GAN: variants seen among roughly 807,000 people sequenced by gnomAD.
The protein encoded by GAN is epididymis secretory sperm binding protein.
GAN carries 48 observed loss-of-function variants against 71.3 expected under a neutral mutation model. The ratio of observed to expected loss-of-function variants is 0.67; its 90% CI spans 0.53 to 0.86. The LOEUF (loss-of-function observed/expected upper bound fraction) is 0.86, where lower values mean the gene tolerates loss of function less well. GAN is among the 40% of genes least tolerant of loss of function. GAN has a pLI of 0.00. For synonymous variants in GAN, 386 were observed against 276.8 expected (o/e 1.39, Z -3.92); for missense variants, 928 against 770.1 (o/e 1.21, Z -2.43).
chr16:81,346,281 A>C (rs568722667), intron 1 of GAN, among the ~76,000 whole-genome samples: 27 of 152,344 alleles, frequency 1.8e-4, no homozygotes, highest in Admixed American at 1.4e-3. Flanking sequence ...AGATATATGG[A>C]GCATCTGCTA....
At chr16:81,347,342 CATT>C (rs1910151787) in intron 1 of GAN, among the ~76,000 whole-genome samples, 1 of 152,156 alleles carries the variant, frequency 6.6e-6, no homozygotes, top group Non-Finnish European at 1.5e-5. Context: ...CTGTCATACA[CATT>C]ATATATTTGA....
At chr16:81,326,702 T>C (rs2150669728) in intron 1 of GAN, among the ~76,000 whole-genome samples, 1 of 152,312 alleles carries the variant, frequency 6.6e-6, no homozygotes, top group South Asian at 2.1e-4. Flanking sequence ...GACTATCTGA[T>C]GTAGTCTGTT....
At chr16:81,336,055 C>G (rs773919268) in intron 1 of GAN, among the ~76,000 whole-genome samples, 2 of 152,166 alleles carry the variant, frequency 1.3e-5, no homozygotes, top group Non-Finnish European at 2.9e-5. Context: ...TTGTTGCTGT[C>G]TCCTACCCTC....
chr16:81,320,664 G>T (rs1196849377), intron 1 of GAN, among the ~76,000 whole-genome samples: 1 of 152,170 alleles, frequency 6.6e-6, no homozygotes, highest in Non-Finnish European at 1.5e-5. Context: ...TAGTGCTCAG[G>T]GGTTCAGTTA....
intron 1 of GAN, among the ~76,000 whole-genome samples, chr16:81,338,409 T>G (rs900863426): frequency 1.3e-5 from 2 of 152,210 alleles, no homozygotes; most frequent in African/African-American, 4.8e-5. Flanking sequence ...TGATCAGTTA[T>G]TAACCCTTTA....
chr16:81,381,356 A>T lies in GAN; in HGVS notation c.*3760A>T, dbSNP rs561186427. 7.9e-5 allele frequency: 12 copies of T among 152,318 alleles called. No homozygotes were observed. The South Asian group carries it at 2.3e-3, about 29-fold the overall frequency. The allele number at this position is 152,318 out of a possible 1,614,324, so 9.4% of individuals were successfully genotyped here. A position where few individuals can be genotyped will look rare whatever the true frequency, so the allele number is the denominator to read the frequency against. ...GATTCAAGAGGCCTCCCGTGGTCAG[A>T]TGAAGACCTTTGGTTAAATGGGGGA... On this transcript the variant is annotated 3_prime_UTR_variant, in exon 11 of 11. Coordinates refer to ENST00000648994, the MANE Select transcript of GAN (RefSeq NM_022041.4).
intron 1 of GAN, among the ~76,000 whole-genome samples, chr16:81,350,611 G>A (rs1017166878): frequency 6.6e-6 from 1 of 151,766 alleles, no homozygotes. Flanking sequence ...CATCTCCCAG[G>A]TTCGAGCTAT....
At chr16:81,365,562 C>A in intron 9 of GAN, 84 bp downstream of exon 9, 1 of 1,339,364 alleles carries the variant, frequency 7.5e-7, no homozygotes, top group Non-Finnish European at 1.1e-6. Flanking sequence ...GTTTTGTTTT[C>A]AGTCACTTTA....
At chr16:81,376,782 G>C (rs556561334) in intron 9 of GAN, among the ~76,000 whole-genome samples, 1 of 152,262 alleles carries the variant, frequency 6.6e-6, no homozygotes, top group East Asian at 1.9e-4. Flanking sequence ...GAAGGCTGGG[G>C]TGGGAGGATC....
intron 1 of GAN, among the ~76,000 whole-genome samples, chr16:81,337,058 T>C (rs1308557729): frequency 6.6e-6 from 1 of 152,052 alleles, no homozygotes; most frequent in Non-Finnish European, 1.5e-5. Context: ...CCCAGAGTAG[T>C]TTCACTGCCC....
chr16:81,349,178 T>C (rs1208702415), intron 1 of GAN, among the ~76,000 whole-genome samples: 2 of 152,134 alleles, frequency 1.3e-5, no homozygotes, highest in African/African-American at 4.8e-5. Context: ...TTAGCTTATC[T>C]TTCACCCCCT....
Position 81,363,786 on chromosome 16 carries a change from A to G in GAN, c.1087-8A>G, listed in dbSNP as rs1408462731. 6.2e-7 allele frequency: 1 copy of G among 1,612,836 alleles called. No homozygotes were observed. Among genetic ancestry groups the G allele is most frequent in the South Asian group, 1.1e-5 (1 of 91,040 alleles). On this transcript the variant is annotated splice_region_variant and splice_polypyrimidine_tract_variant and intron_variant, in intron 6 of 10. Coordinates refer to ENST00000648994, the MANE Select transcript of GAN (RefSeq NM_022041.4). ...TTGTGTGTTCAGGGATCGCTAATGT[A>G]ATTTCAGGCAAGACATAACTTCGGA... is the stretch of plus-strand genomic sequence containing the variant.
intron 7 of GAN, among the ~76,000 whole-genome samples, 191 bp downstream of exon 7, chr16:81,364,134 T>A (rs951324038): frequency 6.6e-6 from 1 of 152,138 alleles, no homozygotes; most frequent in African/African-American, 2.4e-5. Context: ...TGAGCGTGTG[T>A]GAGAGTTTAT....
At chr16:81,353,871 T>C (rs8051314) in intron 2 of GAN, among the ~76,000 whole-genome samples, 62,452 of 152,006 alleles carry the variant, frequency 0.41, 13,479 homozygotes, top group Middle Eastern at 0.52. Context: ...GTGTACCAAA[T>C]TGCACTGCGT....
Position 81,363,700 on chromosome 16 carries a change from T to C in GAN, c.1087-94T>C, listed in dbSNP as rs1413493147. The C allele has an allele frequency of 3.8e-6, 5 of 1,327,884 alleles. No homozygotes were observed. In the African/African-American group the frequency reaches 7.2e-5, roughly 19 times the overall value. The allele number at this position is 1,327,884 out of a possible 1,614,324, so 82.3% of individuals were successfully genotyped here. A position where few individuals can be genotyped will look rare whatever the true frequency, so the allele number is the denominator to read the frequency against. On this transcript the variant is annotated intron_variant, in intron 6 of 10. Coordinates refer to ENST00000648994, the MANE Select transcript of GAN (RefSeq NM_022041.4). ...GTCCCCATTGTCTATTTTTGCCATC[T>C]TTATGTTTCTCTAATTTTTATTAAG...
chr16:81,373,145 T>C (rs1319065686), intron 9 of GAN, among the ~76,000 whole-genome samples: 1 of 152,188 alleles, frequency 6.6e-6, no homozygotes, highest in Non-Finnish European at 1.5e-5. Flanking sequence ...ATAAAAATGG[T>C]GTTCTTCAGG....
chr16:81,363,059 G>A (rs577672860), intron 6 of GAN, among the ~76,000 whole-genome samples: 3 of 152,290 alleles, frequency 2.0e-5, no homozygotes, highest in Admixed American at 6.5e-5. Flanking sequence ...CACTAGAATC[G>A]TGCTTGGCAC....
At chr16:81,361,967 C>T (rs1303375918) in intron 5 of GAN, among the ~76,000 whole-genome samples, 3 of 152,210 alleles carry the variant, frequency 2.0e-5, no homozygotes, top group Non-Finnish European at 4.4e-5. Context: ...TGAGCCACCA[C>T]CACCCGGCTA....
At chr16:81,374,102 A>AT (rs368219723) in intron 9 of GAN, among the ~76,000 whole-genome samples, 1 of 152,078 alleles carries the variant, frequency 6.6e-6, no homozygotes, top group African/African-American at 2.4e-5. Context: ...TTGGTTCGTT[A>AT]TTTTTTTGTA....
Sources: allele counts gnomAD v4.1 joint callset (sites outside exome capture counted in the v4.1 genomes callset), GRCh38; gene constraint gnomAD v4.1.1; transcripts MANE v1.5; gene names NCBI Gene and HGNC (gene_info 2026-07-23, HGNC 2026-07-21).